ZNF639: variants seen among roughly 807,000 people sequenced by gnomAD.
ZNF639 encodes zinc finger protein 639, also known as zinc finger amplified in esophageal squamous cell carcinomas 1.
A neutral mutation model predicts 39.8 loss-of-function variants in ZNF639; 20 were observed. The ratio of observed to expected loss-of-function variants is 0.50; its 90% CI spans 0.35 to 0.73. The LOEUF (loss-of-function observed/expected upper bound fraction) is 0.73, where lower values mean the gene tolerates loss of function less well. ZNF639 is among the 30% of genes least tolerant of loss of function. The pLI is 0.00. For missense variants in ZNF639, 477 were observed against 566.2 expected (o/e 0.84, Z 1.60); for synonymous variants, 176 against 189.8 (o/e 0.93, Z 0.60).
At chr3:179,330,317 G>A (rs1158931141) in intron 4 of ZNF639, among the ~76,000 whole-genome samples, 1 of 152,064 alleles carries the variant, frequency 6.6e-6, no homozygotes, top group Non-Finnish European at 1.5e-5. Context: ...TCTTCATTCT[G>A]TCACCCATGC....
intron 4 of ZNF639, among the ~76,000 whole-genome samples, chr3:179,331,195 C>T (rs1727885118): frequency 6.6e-6 from 1 of 152,166 alleles, no homozygotes; most frequent in Non-Finnish European, 1.5e-5. Context: ...GAGCTCCCAA[C>T]AGCCAAAACT....
At position 179,328,285 on chromosome 3, in the gene ZNF639, T is replaced by G; in HGVS notation, c.-9T>G. 6.5e-7 allele frequency: 1 copy of G among 1,543,380 alleles called. No homozygotes were observed. Among genetic ancestry groups the G allele is most frequent in the Non-Finnish European group, 8.8e-7 (1 of 1,132,338 alleles). ...GTTAATTTTTTCTCGTTTTTTAGATTGAAAAGATATGAATGAGTATCCTAA... is the reference window on the plus strand; with the variant it reads ...GTTAATTTTTTCTCGTTTTTTAGATGGAAAAGATATGAATGAGTATCCTAA... On this transcript the variant is annotated splice_region_variant and 5_prime_UTR_variant, in exon 3 of 6. In the 5' UTR this introduces an upstream ATG that the reference lacks. Coordinates refer to ENST00000496856, the MANE Select transcript of ZNF639 (RefSeq NM_001303426.2).
Position 179,335,695 on chromosome 3 carries a change from C to T in ZNF639, c.*1273C>T, listed in dbSNP as rs1485746819. Reference sequence around the variant, plus strand: ...TGTGGGGGAAGGATCTGTTTCAGGTCTGTCCTTGGCTTGTAGATGGATAGC... The same window carrying T: ...TGTGGGGGAAGGATCTGTTTCAGGTTTGTCCTTGGCTTGTAGATGGATAGC... On this transcript the variant is annotated 3_prime_UTR_variant, in exon 6 of 6. Coordinates refer to ENST00000496856, the MANE Select transcript of ZNF639 (RefSeq NM_001303426.2). 2 of 150,710 alleles carry T rather than the reference C, an allele frequency of 1.3e-5. No individual in the cohort carries two copies. Among genetic ancestry groups the T allele is most frequent in the African/African-American group, 2.4e-5 (1 of 40,918 alleles). 9.3% of individuals were successfully genotyped at this position (150,710 alleles called of 1,614,324 possible).
rs1205275748 is a variant in ZNF639, at chr3:179,323,270, G to C, written c.-104G>C. On this transcript the variant is annotated 5_prime_UTR_variant, in exon 1 of 6. Coordinates refer to ENST00000496856, the MANE Select transcript of ZNF639 (RefSeq NM_001303426.2). ...CGCCGCCTCTGCGTGGGCCGGCCGGGAGGGCCTCGGGGGACTGACTGGTGA... is the reference window on the plus strand; with the variant it reads ...CGCCGCCTCTGCGTGGGCCGGCCGGCAGGGCCTCGGGGGACTGACTGGTGA... 1 of 985,256 alleles carries C rather than the reference G, an allele frequency of 1.0e-6. No individual in the cohort carries two copies. 61.0% of individuals were successfully genotyped at this position (985,256 alleles called of 1,614,324 possible).
intron 3 of ZNF639, among the ~76,000 whole-genome samples, 158 bp downstream of exon 3, chr3:179,328,509 A>T (rs985012390): frequency 6.6e-6 from 1 of 152,148 alleles, no homozygotes; most frequent in Non-Finnish European, 1.5e-5. Flanking sequence ...TATATTCCTT[A>T]TTGTCTACCA....
At position 179,336,763 on chromosome 3, in the gene ZNF639, A is replaced by G. The variant is rs1397834132; in HGVS notation, c.*2341A>G. The G allele has an allele frequency of 6.6e-6, 1 of 152,116 alleles. No homozygotes were observed. Among genetic ancestry groups the G allele is most frequent in the African/African-American group, 2.4e-5 (1 of 41,420 alleles). 9.4% of individuals were successfully genotyped at this position (152,116 alleles called of 1,614,324 possible). The stretch of plus-strand genomic sequence containing the variant: ...GTTTCCATTACATCATGTTACATAA[A>G]CCTAACCTTTCTCCCTGGGATGTTT... On this transcript the variant is annotated 3_prime_UTR_variant, in exon 6 of 6. Transcript: ENST00000496856.
At position 179,329,494 on chromosome 3, in the gene ZNF639, A is replaced by G. The variant is rs2108499611; in HGVS notation, c.59-124A>G. On this transcript the variant is annotated intron_variant, in intron 3 of 5. Transcript: ENST00000496856. Reference sequence around the variant, plus strand: ...TAAAAGCTTTAAAAGTTGAAAATGTATAATATTTTCATTACAGATACTATA... The same window carrying G: ...TAAAAGCTTTAAAAGTTGAAAATGTGTAATATTTTCATTACAGATACTATA... The G allele has an allele frequency of 8.4e-6, 5 of 596,492 alleles. No individual in the cohort carries two copies. The South Asian group carries it at 1.1e-4, about 13-fold the overall frequency. 36.9% of individuals were successfully genotyped at this position (596,492 alleles called of 1,614,324 possible).
At chr3:179,327,391 TTATC>T (rs1485652862) in intron 1 of ZNF639, among the ~76,000 whole-genome samples, 166 bp from the exon 2 acceptor site, 1 of 152,250 alleles carries the variant, frequency 6.6e-6, no homozygotes, top group East Asian at 1.9e-4. Flanking sequence ...AATCACATAT[TTATC>T]AAGATATACA....
In ZNF639 at chr3:179,334,467, CA is replaced by C; in HGVS notation, c.*46del. On this transcript the variant is annotated 3_prime_UTR_variant, in exon 6 of 6. Transcript: ENST00000496856. Reference sequence around the variant, plus strand: ...GAATGTTAGTTTAAAATAATAAATTCATCCTTTTTTTGGAGATGATTAAATG... The same window carrying C: ...GAATGTTAGTTTAAAATAATAAATTCTCCTTTTTTTGGAGATGATTAAATG... 7.1e-7 allele frequency: 1 copy of C among 1,409,260 alleles called. No homozygotes were observed. The highest frequency in any genetic ancestry group is 9.4e-7 in the Non-Finnish European group (1 of 1,063,236). 87.3% of individuals were successfully genotyped at this position (1,409,260 alleles called of 1,614,324 possible).
In ZNF639 at chr3:179,323,098, C is replaced by T. The variant is rs958393575; in HGVS notation, c.-276C>T. 71 of 984,742 alleles carry T rather than the reference C, an allele frequency of 7.2e-5. No individual in the cohort carries two copies. The highest frequency in any genetic ancestry group is 6.2e-4 in the Admixed American group (10 of 16,168). 61.0% of individuals were successfully genotyped at this position (984,742 alleles called of 1,614,324 possible). A position where few individuals can be genotyped will look rare whatever the true frequency, so the allele number is the denominator to read the frequency against. On this transcript the variant is annotated 5_prime_UTR_variant, in exon 1 of 6. Coordinates refer to ENST00000496856, the MANE Select transcript of ZNF639 (RefSeq NM_001303426.2). ...GCGGCCGCGGAGCCTAGGCCAGGGG[C>T]CTGGCGCTCAGGGCGTGGGGCGCGC...
intron 4 of ZNF639, 82 bp downstream of exon 4, chr3:179,329,810 G>A (rs1459987249): frequency 1.6e-6 from 1 of 638,738 alleles, no homozygotes; most frequent in Non-Finnish European, 2.7e-6. Flanking sequence ...TGGGTAAAAT[G>A]TGGATTGATG....
chr3:179,326,899 TATA>T (rs1727624547), intron 1 of ZNF639, among the ~76,000 whole-genome samples: 5 of 152,124 alleles, frequency 3.3e-5, no homozygotes, highest in Non-Finnish European at 1.5e-5. Flanking sequence ...GTTTAAAGTT[TATA>T]ATTTGGGCCA....
intron 1 of ZNF639, among the ~76,000 whole-genome samples, chr3:179,324,779 A>C (rs923620340): frequency 5.3e-5 from 8 of 152,212 alleles, no homozygotes; most frequent in African/African-American, 1.9e-4. Context: ...TTATTCTTCA[A>C]GTTGCAAAGA....
rs1309962397 is a variant in ZNF639 at position 179,336,862 on chromosome 3, C to G, written c.*2440C>G. On this transcript the variant is annotated 3_prime_UTR_variant, in exon 6 of 6. Transcript: ENST00000496856. ...TTTTATGCTTTTTATACATCTAGCT[C>G]CAGGAATTGGATTTTTGGAAAAACA... 1.3e-5 allele frequency: 2 copies of G among 152,184 alleles called. No homozygotes were observed. Among genetic ancestry groups the G allele is most frequent in the East Asian group, 3.9e-4 (2 of 5,192 alleles). 9.4% of individuals were successfully genotyped at this position (152,184 alleles called of 1,614,324 possible). A position where few individuals can be genotyped will look rare whatever the true frequency, so the allele number is the denominator to read the frequency against.
At chr3:179,332,454 C>G (rs2108504724) in intron 4 of ZNF639, among the ~76,000 whole-genome samples, 1 of 152,240 alleles carries the variant, frequency 6.6e-6, no homozygotes, top group East Asian at 1.9e-4. Flanking sequence ...AAGACCCCAT[C>G]TCAAAAAACA....
intron 3 of ZNF639, 40 bp from the exon 4 acceptor site, chr3:179,329,578 A>G: frequency 8.7e-7 from 1 of 1,149,414 alleles, no homozygotes; most frequent in South Asian, 1.3e-5. Context: ...TTAAATATGT[A>G]TGTTTACTGT....
chr3:179,324,245 A>G (rs1167732440), intron 1 of ZNF639, among the ~76,000 whole-genome samples: 1 of 152,198 alleles, frequency 6.6e-6, no homozygotes, highest in African/African-American at 2.4e-5. Context: ...CTATTTGATG[A>G]TTGCTGACTG....
At position 179,323,214 on chromosome 3, in the gene ZNF639, G is replaced by T; in HGVS notation, c.-160G>T. On this transcript the variant is annotated 5_prime_UTR_variant, in exon 1 of 6. Coordinates refer to ENST00000496856, the MANE Select transcript of ZNF639 (RefSeq NM_001303426.2). ...CCGCCGTGCGTCCGCGGGAAGGACC[G>T]CGCGGCCCCTCCGCCTGCGCTCTCG... The T allele has an allele frequency of 1.0e-6, 1 of 985,068 alleles. No homozygotes were observed. The highest frequency in any genetic ancestry group is 1.2e-6 in the Non-Finnish European group (1 of 829,960). 61.0% of individuals were successfully genotyped at this position (985,068 alleles called of 1,614,324 possible).
chr3:179,330,441 C>T (rs1331454859), intron 4 of ZNF639, among the ~76,000 whole-genome samples: 1 of 152,072 alleles, frequency 6.6e-6, no homozygotes, highest in Non-Finnish European at 1.5e-5. Flanking sequence ...CACCACGATG[C>T]CTGGCTAATT....
Sources: allele counts gnomAD v4.1 joint callset (sites outside exome capture counted in the v4.1 genomes callset), GRCh38; gene constraint gnomAD v4.1.1; transcripts MANE v1.5; gene names NCBI Gene and HGNC (gene_info 2026-07-23, HGNC 2026-07-21).